Variants in PIAS1 observed in about 807,000 individuals in gnomAD.
PIAS1 encodes the protein E3 SUMO-protein ligase PIAS1.
In PIAS1, 6 loss-of-function variants were observed where a neutral mutation model predicts 71.3. That is an observed-to-expected ratio of 0.08 (90% confidence interval 0.05 to 0.17). The LOEUF (loss-of-function observed/expected upper bound fraction) is 0.17, where lower values mean the gene tolerates loss of function less well. PIAS1 is among the 10% of genes least tolerant of loss of function. The pLI is 1.00. For missense variants in PIAS1, 555 were observed against 793.6 expected (o/e 0.70, Z 3.61); for synonymous variants, 303 against 292.9 (o/e 1.03, Z -0.35).
At chr15:68,121,426 G>A (rs1206222983) in intron 2 of PIAS1, among the ~76,000 whole-genome samples, 1 of 150,870 alleles carries the variant, frequency 6.6e-6, no homozygotes, top group Non-Finnish European at 1.5e-5. Flanking sequence ...GTTTTCACTG[G>A]GTCTTAAGCA....
chr15:68,178,087 G>A lies in PIAS1; in HGVS notation c.1481+1433G>A, dbSNP rs552220123. 6.6e-6 allele frequency among the ~76,000 whole-genome samples: 1 copy of A among 152,222 alleles called. No individual in the cohort carries two copies. The highest frequency in any genetic ancestry group is 1.9e-4 in the East Asian group (1 of 5,182). ...TTTCTATCAGTTTGAGACCAGCCTG[G>A]GCAACATGGTAAAACCCTGTCTCTA... On this transcript the variant is annotated intron_variant, in intron 11 of 13. Coordinates refer to ENST00000249636, the MANE Select transcript of PIAS1 (RefSeq NM_016166.3). This position sits in a 1 kb window ranked among gnomAD's most constrained non-coding sequence, Gnocchi z 4.2.
rs1435809765 is a variant in PIAS1 at position 68,164,726 on chromosome 15, A to G, written c.935-5A>G. On this transcript the variant is annotated splice_region_variant and splice_polypyrimidine_tract_variant and intron_variant, in intron 7 of 13. Coordinates refer to ENST00000249636, the MANE Select transcript of PIAS1 (RefSeq NM_016166.3). ...CTTTTTTTCTTCTTCTTCAATGAAT[A>G]TCAGTTAAAGAGAAGTTGACTGCGG... is the stretch of plus-strand genomic sequence containing the variant. 1 of 1,556,216 alleles carries G rather than the reference A, an allele frequency of 6.4e-7. No individual in the cohort carries two copies. The highest frequency in any genetic ancestry group is 1.8e-5 in the Admixed American group (1 of 57,080).
chr15:68,083,786 G>GT (rs1255460050), intron 1 of PIAS1, among the ~76,000 whole-genome samples: 1 of 150,218 alleles, frequency 6.7e-6, no homozygotes, highest in Admixed American at 6.6e-5. Flanking sequence ...AAAACACCCA[G>GT]TTACTCAGGA....
At chr15:68,096,337 A>G (rs2140992881) in intron 2 of PIAS1, among the ~76,000 whole-genome samples, 1 of 152,120 alleles carries the variant, frequency 6.6e-6, no homozygotes, top group South Asian at 2.1e-4. Context: ...TAGCTTTGTA[A>G]TACGTTTTGA....
chr15:68,191,164 G>C lies in PIAS1; in HGVS notation c.*3329G>C, dbSNP rs1595805489. On this transcript the variant is annotated 3_prime_UTR_variant, in exon 14 of 14. Coordinates refer to ENST00000249636, the MANE Select transcript of PIAS1 (RefSeq NM_016166.3). ...AGGGAAAATAGCTGGTGGTCCCAGA[G>C]TGTGCTGCTGTTAATTGTTTAACAA... The C allele has an allele frequency of 6.6e-6, 1 of 152,602 alleles. No homozygotes were observed. The highest frequency in any genetic ancestry group is 2.4e-5 in the African/African-American group (1 of 41,436). The allele number at this position is 152,602 out of a possible 1,614,324, so 9.5% of individuals were successfully genotyped here. A position where few individuals can be genotyped will look rare whatever the true frequency, so the allele number is the denominator to read the frequency against.
chr15:68,132,673 C>T (rs1479713311), intron 2 of PIAS1, among the ~76,000 whole-genome samples: 1 of 151,958 alleles, frequency 6.6e-6, no homozygotes, highest in Non-Finnish European at 1.5e-5. Context: ...TCTGCAAATC[C>T]TAAGGAATTG....
At position 68,154,219 on chromosome 15, in the gene PIAS1, C is replaced by G. The variant is rs188148472; in HGVS notation, c.934+524C>G. Among the ~76,000 whole-genome samples, 48 of 152,280 alleles carry G rather than the reference C, an allele frequency of 3.2e-4. 1 individual carries two copies. Among genetic ancestry groups the G allele is most frequent in the Admixed American group, 3.1e-3 (47 of 15,294 alleles). The stretch of plus-strand genomic sequence containing the variant: ...CTGATTTCTAATGCTTCTGCGAAGT[C>G]TGGGTTCATACGTGTGAATTACTGG... On this transcript the variant is annotated intron_variant, in intron 7 of 13. Transcript: ENST00000249636.
rs944985003 is a variant in PIAS1 at position 68,171,977 on chromosome 15, G to A, written c.1009-1755G>A. 4.0e-5 allele frequency among the ~76,000 whole-genome samples: 6 copies of A among 151,666 alleles called. No homozygotes were observed. The highest frequency in any genetic ancestry group is 8.8e-5 in the Non-Finnish European group (6 of 67,954). On this transcript the variant is annotated intron_variant, in intron 8 of 13. Coordinates refer to ENST00000249636, the MANE Select transcript of PIAS1 (RefSeq NM_016166.3). This position sits in a 1 kb window ranked among gnomAD's most constrained non-coding sequence, Gnocchi z 4.4. ...GTTCTATGGTACATGTGCACAACGT[G>A]CAGGTATACATGTGCCATATTGGTT...
chr15:68,072,577 CAAA>C (rs938892607), intron 1 of PIAS1, among the ~76,000 whole-genome samples: 1 of 152,186 alleles, frequency 6.6e-6, no homozygotes, highest in African/African-American at 2.4e-5. Flanking sequence ...TTAGTGTACT[CAAA>C]GAAGTCTTCC....
intron 6 of PIAS1, among the ~76,000 whole-genome samples, chr15:68,147,256 G>C (rs754162481): frequency 6.6e-6 from 1 of 152,116 alleles, no homozygotes; most frequent in East Asian, 1.9e-4. Context: ...TTGCGTGCTC[G>C]TTAACACTAT....
At position 68,153,647 on chromosome 15, in the gene PIAS1, A is replaced by G. The variant is rs1445771976; in HGVS notation, c.886A>G (p.Arg296Gly). The G allele has an allele frequency of 6.3e-7, 1 of 1,597,874 alleles. No homozygotes were observed. The highest frequency in any genetic ancestry group is 1.1e-5 in the South Asian group (1 of 90,706). ...GTTGTCCTCAACAGTTCTTCTTCAGAGGTTACGAGCAAAGGGAATAAGGAA... is the reference window on the plus strand; with the variant it reads ...GTTGTCCTCAACAGTTCTTCTTCAGGGGTTACGAGCAAAGGGAATAAGGAA... ...KQLSSTVLLQ[R>G]LRAKGIRNPD... is the part of the protein sequence containing the mutation. The change falls in exon 7 of 14, where the codon AGG becomes GGG. Residue 296 changes from arginine to glycine, a missense_variant. Around this residue, in one of 5 missense-constraint regions of PIAS1, gnomAD observed 49 missense variants for 129.2 expected, o/e 0.38. Transcript: ENST00000249636.
chr15:68,187,568 T>TGCAGCA lies in PIAS1; in HGVS notation c.1697_1702dup (p.Ala566_Ala567dup), dbSNP rs979584082. On this transcript the variant is annotated inframe_insertion, in exon 14 of 14. Transcript: ENST00000249636. The surrounding 1 kb of genome is among the most constrained non-coding windows in gnomAD (Gnocchi z 5.3). ...ATTACAACACCTCCTTGCTTGCCGC[T>TGCAGCA]GCAGCAGCAGCAGTTTCAGATGATC... 2.1e-5 allele frequency: 34 copies of TGCAGCA among 1,613,810 alleles called. No individual in the cohort carries two copies. The highest frequency in any genetic ancestry group is 2.8e-5 in the Non-Finnish European group (33 of 1,179,796).
chr15:68,183,327 C>A (rs777928628), intron 12 of PIAS1, among the ~76,000 whole-genome samples: 5 of 152,164 alleles, frequency 3.3e-5, no homozygotes, highest in African/African-American at 9.7e-5. Flanking sequence ...TAAGAGGAGT[C>A]CAGAGCATTT....
At position 68,114,421 on chromosome 15, in the gene PIAS1, CTGACAGCCTAA is replaced by C. The variant is rs1452755499; in HGVS notation, c.470-27521_470-27511del. ...CTGCAGTCTTCTTTCTTAATGGGAGCTGACAGCCTAATGATGAAACTATATCATTCCAGCTA... is the reference window on the plus strand; with the variant it reads ...CTGCAGTCTTCTTTCTTAATGGGAGCTGATGAAACTATATCATTCCAGCTA... On this transcript the variant is annotated intron_variant, in intron 2 of 13. Coordinates refer to ENST00000249636, the MANE Select transcript of PIAS1 (RefSeq NM_016166.3). 9.9e-5 allele frequency among the ~76,000 whole-genome samples: 15 copies of C among 152,064 alleles called. No individual in the cohort carries two copies. The East Asian group carries it at 2.9e-3, about 29-fold the overall frequency.
chr15:68,103,426 T>C (rs569621532), intron 2 of PIAS1, among the ~76,000 whole-genome samples: 2 of 152,296 alleles, frequency 1.3e-5, no homozygotes, highest in African/African-American at 2.4e-5. Flanking sequence ...TTGGGTTCTT[T>C]TTGATTTTTT....
At chr15:68,106,510 C>T (rs969129975) in intron 2 of PIAS1, among the ~76,000 whole-genome samples, 2 of 152,118 alleles carry the variant, frequency 1.3e-5, no homozygotes, top group African/African-American at 4.8e-5. Context: ...ATTCTCTTAC[C>T]TAGGTGCAAA....
At chr15:68,083,091 A>T (rs757774738) in intron 1 of PIAS1, among the ~76,000 whole-genome samples, 2 of 151,346 alleles carry the variant, frequency 1.3e-5, no homozygotes, top group South Asian at 2.1e-4. Context: ...GGAAGTAATG[A>T]TTTCTAATAG....
rs937589586 is a variant in PIAS1 at position 68,073,135 on chromosome 15, C to T, written c.25-13171C>T. Among the ~76,000 whole-genome samples, 6 of 152,182 alleles carry T rather than the reference C, an allele frequency of 3.9e-5. No individual in the cohort carries two copies. In the East Asian group the frequency reaches 1.2e-3, roughly 29 times the overall value. ...GGTTCATGCCATTCTCCTGCCTCAG[C>T]CTCCTGAGTAGCTGGGACTACAGGT... is the stretch of plus-strand genomic sequence containing the variant. On this transcript the variant is annotated intron_variant, in intron 1 of 13. Coordinates refer to ENST00000249636, the MANE Select transcript of PIAS1 (RefSeq NM_016166.3).
intron 6 of PIAS1, among the ~76,000 whole-genome samples, chr15:68,151,939 A>ATTTTTTT (rs1201017658): frequency 0.051 from 3,506 of 68,242 alleles, 195 homozygotes; most frequent in East Asian, 0.11. Flanking sequence ...AAATTTAGGA[A>ATTTTTTT]TTTTTTTTTT....
Sources: allele counts gnomAD v4.1 joint callset (sites outside exome capture counted in the v4.1 genomes callset), GRCh38; gene constraint gnomAD v4.1.1; regional missense constraint gnomAD v4.1.1; non-coding constraint Gnocchi (gnomAD v3.1); transcripts MANE v1.5; gene names NCBI Gene and HGNC (gene_info 2026-07-23, HGNC 2026-07-21).